The following TMSB4X variants were observed in gnomAD, a reference collection of about 807,000 sequenced individuals.
TMSB4X encodes the protein thymosin beta 4 X-linked.
TMSB4X carries 1 observed loss-of-function variant against 3.6 expected under a neutral mutation model. The ratio of observed to expected loss-of-function variants is 0.28; its 90% CI spans 0.10 to 1.32. The LOEUF (loss-of-function observed/expected upper bound fraction) is 1.32. Ranked by LOEUF, TMSB4X falls within the 40% of genes most tolerant of loss-of-function variation. The pLI, the probability that TMSB4X is intolerant of heterozygous loss-of-function variation, is 0.45. For missense variants in TMSB4X, 6 were observed against 32.7 expected, an observed-to-expected ratio of 0.18 and a Z score of 1.99; for synonymous variants, 12 against 14.3, an observed-to-expected ratio of 0.84 and a Z score of 0.36.
intron 2 of TMSB4X, among the ~76,000 whole-genome samples, 157 bp from the exon 3 acceptor site, chrX:12,976,620 A>G (rs1055506738): frequency 1.8e-5 from 2 of 112,419 alleles, no homozygotes; most frequent in Admixed American, 1.9e-4. Context: ...ATGTATTTCT[A>G]TTTAGTATAT....
chrX:12,976,064 C>CG, intron 1 of TMSB4X, 182 bp from the exon 2 acceptor site: 4 of 404,035 alleles, frequency 9.9e-6, no homozygotes, highest in East Asian at 4.2e-5. Flanking sequence ...AGGAGGGGCG[C>CG]GGGGGGTGTC....
chrX:12,976,436 G>T (rs1310130418), intron 2 of TMSB4X, 75 bp downstream of exon 2: 4 of 933,151 alleles, frequency 4.3e-6, no homozygotes, highest in Non-Finnish European at 4.6e-6. Flanking sequence ...GGCTGGGAGC[G>T]GCCGCGGGAA....
At chrX:12,975,701 G>A (rs924195505) in intron 1 of TMSB4X, 2 of 114,238 alleles carry the variant, frequency 1.8e-5, no homozygotes, top group South Asian at 3.4e-4. Context: ...TTTGTGTGCG[G>A]GGCTGCATTG....
chrX:12,976,163 G>C, intron 1 of TMSB4X, 83 bp from the exon 2 acceptor site: 1 of 688,120 alleles, frequency 1.5e-6, no homozygotes, highest in Non-Finnish European at 2.3e-6. Context: ...CTGCGGGTCG[G>C]AGGGCAGAAG....
chrX:12,976,480 G>A (rs953688499), intron 2 of TMSB4X, 119 bp downstream of exon 2: 12 of 627,429 alleles, frequency 1.9e-5, no homozygotes, highest in East Asian at 7.1e-5. Flanking sequence ...GGGAAGAGCC[G>A]ACAGTTGATG....
At chrX:12,975,590 C>A (rs939978850) in intron 1 of TMSB4X, 1 of 113,304 alleles carries the variant, frequency 8.8e-6, no homozygotes, top group East Asian at 2.8e-4. Context: ...CGGGGCTGTG[C>A]TATGACATCT....
intron 1 of TMSB4X, 50 bp downstream of exon 1, chrX:12,975,218 C>A: frequency 8.6e-6 from 1 of 116,742 alleles, no homozygotes; most frequent in Admixed American, 9.2e-5. Flanking sequence ...TGCCTCCGTC[C>A]CCGCCCTTTC....
chrX:12,976,748 CTTT>C (rs138495959), intron 2 of TMSB4X, 26 bp from the exon 3 acceptor site: 1,053 of 1,053,415 alleles, frequency 1.0e-3, no homozygotes, highest in East Asian at 4.1e-3. Context: ...CTCCCTCCAT[CTTT>C]TTTTTTTTTT....
chrX:12,976,421 C>T, intron 2 of TMSB4X, 60 bp downstream of exon 2: 7 of 509,096 alleles, frequency 1.4e-5, no homozygotes, highest in Non-Finnish European at 2.1e-5. Flanking sequence ...GGTGGGAGGG[C>T]GGGAGGCTGG....
chrX:12,976,916 A>C lies in TMSB4X; in HGVS notation c.*105A>C, dbSNP rs748056763. On this transcript the variant is annotated 3_prime_UTR_variant, in exon 3 of 3. Coordinates refer to ENST00000451311, the MANE Select transcript of TMSB4X (RefSeq NM_021109.4). ...TGTAAGATGCAAAGAGGTTGGATCAAGTTTAAATGACTGTGCTGCCCCTTT... is the reference window on the plus strand; with the variant it reads ...TGTAAGATGCAAAGAGGTTGGATCACGTTTAAATGACTGTGCTGCCCCTTT... The C allele has an allele frequency of 1.1e-4, 99 of 918,589 alleles. No individual in the cohort carries two copies. The African/African-American group carries it at 1.8e-3, about 17-fold the overall frequency. 75.7% of individuals were successfully genotyped at this position (918,589 alleles called of 1,213,427 possible).
chrX:12,975,959 TTAAC>T (rs1298532227), intron 1 of TMSB4X: 2 of 192,476 alleles, frequency 1.0e-5, no homozygotes, highest in Non-Finnish European at 1.9e-5. Context: ...AACGCTGTAA[TTAAC>T]AATTCGCAGT....
intron 2 of TMSB4X, 74 bp downstream of exon 2, chrX:12,976,435 C>A: frequency 1.1e-6 from 1 of 890,206 alleles, no homozygotes; most frequent in Non-Finnish European, 1.6e-6. Context: ...AGGCTGGGAG[C>A]GGCCGCGGGA....
rs1169760477 is a variant in TMSB4X at position 12,976,862 on chromosome X, T to G, written c.*51T>G. ...TGTACATTCCACAAGCATTGCCTTC[T>G]TATTTTACTTCTTTTAGCTGTTTAA... On this transcript the variant is annotated 3_prime_UTR_variant, in exon 3 of 3. Transcript: ENST00000451311. 1 of 1,149,680 alleles carries G rather than the reference T, an allele frequency of 8.7e-7. No homozygotes were observed. The highest frequency in any genetic ancestry group is 1.8e-5 in the African/African-American group (1 of 55,721). 94.7% of individuals were successfully genotyped at this position (1,149,680 alleles called of 1,213,427 possible). A position where few individuals can be genotyped will look rare whatever the true frequency, so the allele number is the denominator to read the frequency against.
At position 12,976,879 on chromosome X, in the gene TMSB4X, G is replaced by T; in HGVS notation, c.*68G>T. 2 of 1,114,428 alleles carry T rather than the reference G, an allele frequency of 1.8e-6. No individual in the cohort carries two copies. The highest frequency in any genetic ancestry group is 2.5e-6 in the Non-Finnish European group (2 of 815,663). The allele number at this position is 1,114,428 out of a possible 1,213,427, so 91.8% of individuals were successfully genotyped here. On this transcript the variant is annotated 3_prime_UTR_variant, in exon 3 of 3. Coordinates refer to ENST00000451311, the MANE Select transcript of TMSB4X (RefSeq NM_021109.4). ...TTGCCTTCTTATTTTACTTCTTTTA[G>T]CTGTTTAACTTTGTAAGATGCAAAG...
chrX:12,975,135 C>G lies in TMSB4X; in HGVS notation c.-50C>G, dbSNP rs754304418. ...AACTCGGTGGTGGCCACTGCGCAGA[C>G]CAGACTTCGCTCGTACTCGTGCGCC... On this transcript the variant is annotated 5_prime_UTR_variant, in exon 1 of 3. Transcript: ENST00000451311. The G allele has an allele frequency of 1.7e-5, 2 of 117,316 alleles. No homozygotes were observed. The highest frequency in any genetic ancestry group is 3.7e-5 in the Non-Finnish European group (2 of 53,999). 9.7% of individuals were successfully genotyped at this position (117,316 alleles called of 1,213,427 possible).
rs1344289367 is a variant in TMSB4X, at chrX:12,976,252, C to T, written c.-10C>T. 1 of 1,205,628 alleles carries T rather than the reference C, an allele frequency of 8.3e-7. No homozygotes were observed. Among genetic ancestry groups the T allele is most frequent in the Non-Finnish European group, 1.1e-6 (1 of 891,670 alleles). On this transcript the variant is annotated 5_prime_UTR_variant, in exon 2 of 3. Transcript: ENST00000451311. ...CTTGGCTTGCTCCCTGCAGCTTTTCCTCCGCAACCATGTCTGACAAACCCG... is the reference window on the plus strand; with the variant it reads ...CTTGGCTTGCTCCCTGCAGCTTTTCTTCCGCAACCATGTCTGACAAACCCG...
At chrX:12,976,484 G>A (rs2043297098) in intron 2 of TMSB4X, 123 bp downstream of exon 2, 2 of 614,043 alleles carry the variant, frequency 3.3e-6, no homozygotes, top group Non-Finnish European at 5.2e-6. Context: ...AGAGCCGACA[G>A]TTGATGAATG....
chrX:12,975,373 C>T (rs988502565), intron 1 of TMSB4X: 1 of 113,749 alleles, frequency 8.8e-6, no homozygotes, highest in Non-Finnish European at 1.9e-5. Context: ...AAGAACAAAA[C>T]CGAAAAACTG....
rs1194543498 is a variant in TMSB4X at position 12,977,155 on chromosome X, T to A, written c.*344T>A. ...CAGTTTAATCAGAGTGCCATTTTTTTTTTTGTTCAAATGATTTTAATTATT... is the reference window on the plus strand; with the variant it reads ...CAGTTTAATCAGAGTGCCATTTTTTATTTTGTTCAAATGATTTTAATTATT... On this transcript the variant is annotated 3_prime_UTR_variant, in exon 3 of 3. Transcript: ENST00000451311. The A allele has an allele frequency of 1.0e-5, 2 of 199,735 alleles. No homozygotes were observed. The highest frequency in any genetic ancestry group is 1.9e-5 in the Non-Finnish European group (2 of 103,774). The allele number at this position is 199,735 out of a possible 1,213,427, so 16.5% of individuals were successfully genotyped here.
Sources: allele counts gnomAD v4.1 joint callset (sites outside exome capture counted in the v4.1 genomes callset), GRCh38; gene constraint gnomAD v4.1.1; transcripts MANE v1.5; gene names NCBI Gene and HGNC (gene_info 2026-07-23, HGNC 2026-07-21).